NSMCE1: variants seen among roughly 807,000 people sequenced by gnomAD.
NSMCE1 encodes the protein NSE1 component of SMC5/6 complex.
In NSMCE1, 18 loss-of-function variants were observed where a neutral mutation model predicts 29.6. That is an observed-to-expected ratio of 0.61 (90% CI 0.42 to 0.90). The LOEUF (loss-of-function observed/expected upper bound fraction) is 0.90. Among genes scored for constraint, NSMCE1 ranks in the 40% least tolerant of loss-of-function variants. The pLI is 0.00. For missense variants in NSMCE1, 314 were observed against 343.6 expected (o/e 0.91, Z 0.68); for synonymous variants, 124 against 133.4 (o/e 0.93, Z 0.49).
At chr16:27,231,225 C>T (rs1436578754) in intron 5 of NSMCE1, among the ~76,000 whole-genome samples, 1 of 152,274 alleles carries the variant, frequency 6.6e-6, no homozygotes, top group Admixed American at 6.5e-5. Flanking sequence ...TCCTCTGCAA[C>T]CTCATCCACC....
intron 2 of NSMCE1, among the ~76,000 whole-genome samples, chr16:27,252,317 C>T (rs574597624): frequency 1.2e-4 from 18 of 152,316 alleles, no homozygotes; most frequent in South Asian, 2.1e-4. Context: ...CACTCGTCAA[C>T]GGCCAGTGAC....
At chr16:27,225,642 C>T in intron 7 of NSMCE1, 84 bp downstream of exon 7, 1 of 1,544,912 alleles carries the variant, frequency 6.5e-7, no homozygotes, top group Non-Finnish European at 8.8e-7. Flanking sequence ...CCCTTCAGGG[C>T]CCTGTCTCCA....
intron 2 of NSMCE1, among the ~76,000 whole-genome samples, chr16:27,247,291 G>A (rs1043990259): frequency 1.3e-5 from 2 of 152,132 alleles, no homozygotes; most frequent in African/African-American, 4.8e-5. Context: ...AGTTTTATAA[G>A]GGTCTTTTCC....
intron 1 of NSMCE1, among the ~76,000 whole-genome samples, chr16:27,265,883 A>C (rs2084218853): frequency 6.6e-6 from 1 of 152,208 alleles, no homozygotes; most frequent in African/African-American, 2.4e-5. Flanking sequence ...CTACAAAGCA[A>C]AACAAGGCAA....
At chr16:27,234,070 A>T (rs28573272) in intron 4 of NSMCE1, 118 bp downstream of exon 4, 1 of 720,166 alleles carries the variant, frequency 1.4e-6, no homozygotes, top group Admixed American at 2.1e-5. Context: ...TCAGACAGCA[A>T]TGGTGGCCCA....
intron 5 of NSMCE1, among the ~76,000 whole-genome samples, chr16:27,230,236 C>T (rs970015886): frequency 6.6e-6 from 1 of 152,198 alleles, no homozygotes; most frequent in Non-Finnish European, 1.5e-5. Context: ...GCCAGTCTCA[C>T]ACAGGACTGG....
At chr16:27,236,051 C>T (rs2083820479) in intron 2 of NSMCE1, among the ~76,000 whole-genome samples, 1 of 152,164 alleles carries the variant, frequency 6.6e-6, no homozygotes, top group Non-Finnish European at 1.5e-5. Context: ...CGCCCACCTC[C>T]CCTGGCCCTG....
chr16:27,237,779 C>A (rs922400902), intron 2 of NSMCE1, among the ~76,000 whole-genome samples: 9 of 152,210 alleles, frequency 5.9e-5, no homozygotes, highest in African/African-American at 1.7e-4. Context: ...GCCAGCAGCC[C>A]TCTCTGCCCT....
intron 3 of NSMCE1, 92 bp downstream of exon 3, chr16:27,235,086 A>C: frequency 1.5e-6 from 2 of 1,291,438 alleles, no homozygotes; most frequent in Non-Finnish European, 2.2e-6. Context: ...AGAACTGTCC[A>C]AAAGAGAAAT....
At chr16:27,258,614 A>G (rs977284928) in intron 1 of NSMCE1, among the ~76,000 whole-genome samples, 12 of 152,090 alleles carry the variant, frequency 7.9e-5, no homozygotes, top group Non-Finnish European at 1.2e-4. Flanking sequence ...TAGTCTCTTC[A>G]CCTCTAAAAC....
chr16:27,261,850 G>A (rs2084161156), intron 1 of NSMCE1, among the ~76,000 whole-genome samples: 1 of 152,180 alleles, frequency 6.6e-6, no homozygotes, highest in Admixed American at 6.5e-5. Context: ...ATATGTAAAA[G>A]GAATGACATA....
At chr16:27,244,634 C>T (rs1478570381) in intron 2 of NSMCE1, among the ~76,000 whole-genome samples, 2 of 148,826 alleles carry the variant, frequency 1.3e-5, no homozygotes, top group African/African-American at 4.9e-5. Context: ...ATCACCCGAG[C>T]ATCGCCACAT....
At chr16:27,245,423 C>T (rs1348384251) in intron 2 of NSMCE1, among the ~76,000 whole-genome samples, 1 of 152,214 alleles carries the variant, frequency 6.6e-6, no homozygotes, top group African/African-American at 2.4e-5. Flanking sequence ...CATTCCCAAA[C>T]ACATGATGTG....
In NSMCE1 at chr16:27,237,254, G is replaced by T. The variant is rs115819171; in HGVS notation, c.137-1955C>A. Reference sequence around the variant, plus strand: ...ATGACATCTGGCCTCGGCGGCTGGAGAGCAGGCATCAGGAGGGAGGCATGG... The same window carrying T: ...ATGACATCTGGCCTCGGCGGCTGGATAGCAGGCATCAGGAGGGAGGCATGG... On this transcript the variant is annotated intron_variant, in intron 2 of 7. Transcript: ENST00000361439. Among the ~76,000 whole-genome samples the T allele has an allele frequency of 8.1e-3, 1,234 of 152,362 alleles. 16 individuals are homozygous for T. The highest frequency in any genetic ancestry group is 0.028 in the African/African-American group (1,154 of 41,582).
chr16:27,259,669 A>G (rs999562867), intron 1 of NSMCE1, among the ~76,000 whole-genome samples: 1 of 152,188 alleles, frequency 6.6e-6, no homozygotes, highest in African/African-American at 2.4e-5. Flanking sequence ...CAGTGGGGAC[A>G]AATGATACGA....
At chr16:27,241,778 C>T (rs538273068) in intron 2 of NSMCE1, 15 of 430,732 alleles carry the variant, frequency 3.5e-5, no homozygotes, top group African/African-American at 1.2e-4. Flanking sequence ...ATTCACTACA[C>T]GCTGCAGCGC....
intron 2 of NSMCE1, among the ~76,000 whole-genome samples, chr16:27,244,356 C>T (rs899588913): frequency 2.6e-4 from 40 of 152,356 alleles, no homozygotes; most frequent in African/African-American, 3.1e-4. Context: ...CCACTCACTA[C>T]AGTCTGAAGC....
At position 27,232,075 on chromosome 16, in the gene NSMCE1, C is replaced by G. The variant is rs1249279925; in HGVS notation, c.483+926G>C. The stretch of plus-strand genomic sequence containing the variant: ...GCCCACCCTAAATAGAAATCAGTAA[C>G]TCAGAACACAGACTTCCCCAACCCA... On this transcript the variant is annotated intron_variant, in intron 5 of 7. Coordinates refer to ENST00000361439, the MANE Select transcript of NSMCE1 (RefSeq NM_145080.4). This position sits in a 1 kb window ranked among gnomAD's most constrained non-coding sequence, Gnocchi z 4.5. Among the ~76,000 whole-genome samples, 3 of 152,136 alleles carry G rather than the reference C, an allele frequency of 2.0e-5. No homozygotes were observed. Among genetic ancestry groups the G allele is most frequent in the Middle Eastern group, 3.2e-3 (1 of 316 alleles).
rs11553886 is a variant in NSMCE1 at position 27,234,228 on chromosome 16, G to A, written c.296C>T (p.Thr99Met). The A allele has an allele frequency of 8.9e-5, 144 of 1,613,522 alleles. No individual in the cohort carries two copies. The highest frequency in any genetic ancestry group is 1.0e-4 in the Non-Finnish European group (119 of 1,179,408). The change falls in exon 4 of 8, where the codon ACG (threonine) becomes ATG (methionine). Residue 99 changes from threonine to methionine, a missense_variant. By Grantham distance (81) the Thr-to-Met change is moderately conservative. Transcript: ENST00000361439. ...LATTSISKMA[T>M]DFAENELDLF... is the part of the protein sequence containing the mutation. Reference sequence around the variant, plus strand: ...ATCCAGTTCATTCTCTGCAAAATCCGTAGCCATTTTGGAAATTGAAGTTGT... The same window carrying A: ...ATCCAGTTCATTCTCTGCAAAATCCATAGCCATTTTGGAAATTGAAGTTGT...
Sources: allele counts gnomAD v4.1 joint callset (sites outside exome capture counted in the v4.1 genomes callset), GRCh38; gene constraint gnomAD v4.1.1; non-coding constraint Gnocchi (gnomAD v3.1); transcripts MANE v1.5; gene names NCBI Gene and HGNC (gene_info 2026-07-23, HGNC 2026-07-21).